DNAH7: variants seen among roughly 807,000 people sequenced by gnomAD.
DNAH7 encodes the protein dynein axonemal heavy chain 7.
Under a neutral mutation model 444.6 loss-of-function variants are expected in DNAH7, and 397 were observed. That is an observed-to-expected ratio of 0.89 (90% CI 0.82 to 0.97). The LOEUF is 0.97. Among genes scored for constraint, DNAH7 ranks in the 50% least tolerant of loss-of-function variants. The pLI is 0.00. For synonymous variants in DNAH7, 1,636 were observed against 1,624.4 expected (o/e 1.01, Z -0.17); for missense variants, 4,902 against 4,800.8 (o/e 1.02, Z -0.62).
At chr2:195,927,423 G>A (rs1435588475) in intron 21 of DNAH7, among the ~76,000 whole-genome samples, 1 of 152,032 alleles carries the variant, frequency 6.6e-6, no homozygotes, top group Non-Finnish European at 1.5e-5. Context: ...AATGCTGGGT[G>A]TTGATATTAA....
chr2:195,966,893 TA>T (rs1007282162), intron 17 of DNAH7, among the ~76,000 whole-genome samples: 1 of 151,756 alleles, frequency 6.6e-6, no homozygotes, highest in Non-Finnish European at 1.5e-5. Flanking sequence ...CTGTTTTTTT[TA>T]AAAAAACCAT....
intron 12 of DNAH7, chr2:195,994,533 T>C: frequency 4.1e-6 from 2 of 484,458 alleles, no homozygotes; most frequent in South Asian, 1.8e-5. Flanking sequence ...TTTAGAGATA[T>C]TCCCATTGTG....
intron 61 of DNAH7, among the ~76,000 whole-genome samples, chr2:195,769,323 A>G (rs116824168): frequency 0.018 from 2,729 of 151,564 alleles, 78 homozygotes; most frequent in African/African-American, 0.062. Flanking sequence ...TCAGCCTCCT[A>G]AAGTTCTCGT....
At chr2:195,845,551 A>G (rs1698935082) in intron 46 of DNAH7, among the ~76,000 whole-genome samples, 1 of 152,226 alleles carries the variant, frequency 6.6e-6, no homozygotes, top group South Asian at 2.1e-4. Flanking sequence ...GAGCCCGAAT[A>G]GCCAAAGCTA....
rs540328932 is a variant in DNAH7 at position 195,951,497 on chromosome 2, T to C, written c.3078+5764A>G. On this transcript the variant is annotated intron_variant, in intron 19 of 64. Coordinates refer to ENST00000312428, the MANE Select transcript of DNAH7 (RefSeq NM_018897.3). ...TGGGTTGAAGTCCTGAATATCCTTGTTAATTTTCTGTCTCGTTGATCTGTC... is the reference window on the plus strand; with the variant it reads ...TGGGTTGAAGTCCTGAATATCCTTGCTAATTTTCTGTCTCGTTGATCTGTC... Among the ~76,000 whole-genome samples the C allele has an allele frequency of 5.3e-5, 8 of 152,300 alleles. No individual in the cohort carries two copies. The South Asian group carries it at 1.7e-3, about 32-fold the overall frequency.
chr2:195,791,781 C>A (rs1695889123), intron 57 of DNAH7, among the ~76,000 whole-genome samples: 1 of 152,150 alleles, frequency 6.6e-6, no homozygotes, highest in African/African-American at 2.4e-5. Flanking sequence ...AGGCCATTAT[C>A]CTAAGACAGT....
rs1431618178 is a variant in DNAH7, at chr2:195,778,721, TATATATATACAC to T, written c.10879-748_10879-737del. On this transcript the variant is annotated intron_variant, in intron 58 of 64. Coordinates refer to ENST00000312428, the MANE Select transcript of DNAH7 (RefSeq NM_018897.3). ...ATATATATACACATATATATACACA[TATATATATACAC>T]ATATATATATATAATAAAACTCAGA... 2.1e-3 allele frequency among the ~76,000 whole-genome samples: 91 copies of T among 42,754 alleles called. 1 individual carries two copies. Among genetic ancestry groups the T allele is most frequent in the East Asian group, 5.9e-3 (1 of 170 alleles). 28.0% of individuals were successfully genotyped at this position (42,754 alleles called of 152,430 possible).
chr2:195,768,872 T>C (rs1694709991), intron 61 of DNAH7, among the ~76,000 whole-genome samples: 1 of 152,214 alleles, frequency 6.6e-6, no homozygotes, highest in South Asian at 2.1e-4. Context: ...ACCTTTTGTG[T>C]AACTGTAAGA....
chr2:195,778,695 T>TATATATACACATATATATACAC (rs1553518231), intron 58 of DNAH7, among the ~76,000 whole-genome samples: 19 of 89,836 alleles, frequency 2.1e-4, no homozygotes, highest in African/African-American at 7.1e-4. Flanking sequence ...TATATACACA[T>TATATATACACATATATATACAC]ATATATATAC....
chr2:195,972,529 G>A, intron 15 of DNAH7, 63 bp from the exon 16 acceptor site: 1 of 1,235,190 alleles, frequency 8.1e-7, no homozygotes, highest in South Asian at 1.2e-5. Context: ...GAAACAGCCT[G>A]CGGAAATACA....
At chr2:195,942,585 TC>T (rs1389313336) in intron 19 of DNAH7, among the ~76,000 whole-genome samples, 2 of 152,036 alleles carry the variant, frequency 1.3e-5, no homozygotes, top group East Asian at 3.9e-4. Flanking sequence ...ATCAAGAACT[TC>T]CCATTTAATG....
chr2:195,799,235 A>G, intron 55 of DNAH7, 61 bp downstream of exon 55: 2 of 1,339,588 alleles, frequency 1.5e-6, no homozygotes, highest in South Asian at 2.2e-5. Flanking sequence ...TAAAATTTCA[A>G]TTATAAGCAA....
intron 63 of DNAH7, among the ~76,000 whole-genome samples, chr2:195,746,829 TG>T (rs1400168675): frequency 6.6e-6 from 1 of 152,124 alleles, no homozygotes; most frequent in Non-Finnish European, 1.5e-5. Flanking sequence ...CCAGAATCTC[TG>T]GGACACATTC....
intron 47 of DNAH7, among the ~76,000 whole-genome samples, chr2:195,840,217 G>A (rs1000995854): frequency 1.1e-4 from 17 of 151,440 alleles, no homozygotes; most frequent in African/African-American, 2.9e-4. Context: ...AAAATCAATC[G>A]GTACAATTAC....
At chr2:195,938,907 T>C (rs1689236080) in intron 19 of DNAH7, among the ~76,000 whole-genome samples, 1 of 152,084 alleles carries the variant, frequency 6.6e-6, no homozygotes, top group Non-Finnish European at 1.5e-5. Flanking sequence ...TCTCTCCCAG[T>C]GAGAAGACAA....
intron 11 of DNAH7, 77 bp downstream of exon 11, chr2:196,001,598 G>C: frequency 7.7e-7 from 1 of 1,290,986 alleles, no homozygotes; most frequent in Non-Finnish European, 1.0e-6. Flanking sequence ...CACTGATAGA[G>C]ATGTTATTTT....
At position 195,930,580 on chromosome 2, in the gene DNAH7, T is replaced by C. The variant is rs572450167; in HGVS notation, c.3471+4011A>G. Among the ~76,000 whole-genome samples the C allele has an allele frequency of 2.0e-4, 30 of 152,292 alleles. No individual in the cohort carries two copies. In the East Asian group the frequency reaches 5.2e-3, roughly 26 times the overall value. ...GAATGCTTATACACTATTGGTGGGA[T>C]TGTAAGTTAGTTCAGCTGCTGTGGA... On this transcript the variant is annotated intron_variant, in intron 21 of 64. Coordinates refer to ENST00000312428, the MANE Select transcript of DNAH7 (RefSeq NM_018897.3).
intron 57 of DNAH7, among the ~76,000 whole-genome samples, chr2:195,792,385 A>G (rs949154998): frequency 7.3e-6 from 1 of 136,586 alleles, no homozygotes; most frequent in Non-Finnish European, 1.5e-5. Context: ...GTACAAAAAA[A>G]CCAAAAAATA....
chr2:195,918,873 ATATAAATTG>A (rs1278129216), intron 24 of DNAH7, among the ~76,000 whole-genome samples: 2 of 152,230 alleles, frequency 1.3e-5, no homozygotes, highest in South Asian at 2.1e-4. Flanking sequence ...GTAGACCCTG[ATATAAATTG>A]TATAAATTGT....
Sources: allele counts gnomAD v4.1 joint callset (sites outside exome capture counted in the v4.1 genomes callset), GRCh38; gene constraint gnomAD v4.1.1; transcripts MANE v1.5; gene names NCBI Gene and HGNC (gene_info 2026-07-23, HGNC 2026-07-21).